Variants in PIK3IP1 observed in about 807,000 individuals in gnomAD.
PIK3IP1 encodes the protein phosphoinositide-3-kinase interacting protein 1.
In PIK3IP1, 28 loss-of-function variants were observed where a neutral mutation model predicts 30.7. The observed-to-expected ratio is 0.91, with a 90% confidence interval of 0.68 to 1.25. PIK3IP1 has a LOEUF of 1.25. Ranked by LOEUF, PIK3IP1 falls within the 50% of genes most tolerant of loss-of-function variation. PIK3IP1 has a pLI of 0.00. For synonymous variants in PIK3IP1, 159 were observed against 140.8 expected (o/e 1.13, Z -0.91); for missense variants, 333 against 346.2 (o/e 0.96, Z 0.30).
rs952763745 is a variant in PIK3IP1, at chr22:31,289,323, G to A, written c.579C>T (p.Ser193=). The change falls in exon 5 of 6, where the codon TCC becomes TCT. Residue 193 remains serine, a synonymous_variant. Coordinates refer to ENST00000215912, the MANE Select transcript of PIK3IP1 (RefSeq NM_052880.5). Reference sequence around the variant, plus strand: ...GAAGAGAAGCTACTGACCTCTTGTAGGAGTAGCCCAAGATGATGCCAGCTC... The same window carrying A: ...GAAGAGAAGCTACTGACCTCTTGTAAGAGTAGCCCAAGATGATGCCAGCTC... ...AIGAGIILGY[S]YKRGKDLKEQ... The A allele has an allele frequency of 1.9e-6, 3 of 1,613,970 alleles. No homozygotes were observed. The highest frequency in any genetic ancestry group is 2.5e-6 in the Non-Finnish European group (3 of 1,179,976).
intron 3 of PIK3IP1, 182 bp downstream of exon 3, chr22:31,290,783 C>T (rs1465936838): frequency 4.6e-6 from 4 of 865,658 alleles, no homozygotes; most frequent in Non-Finnish European, 6.6e-6. Context: ...TGAGCTCATA[C>T]GAGTGGCGGC....
chr22:31,284,615 G>A (rs927997748), intron 5 of PIK3IP1, among the ~76,000 whole-genome samples: 1 of 152,312 alleles, frequency 6.6e-6, no homozygotes, highest in Non-Finnish European at 1.5e-5. Context: ...GGGGGTAGGG[G>A]GTGGTTAGCC....
chr22:31,291,476 C>T (rs545776628), intron 1 of PIK3IP1, among the ~76,000 whole-genome samples, 180 bp from the exon 2 acceptor site: 94 of 150,570 alleles, frequency 6.2e-4, no homozygotes, highest in Admixed American at 3.3e-3. Context: ...CGCACCCCCC[C>T]CCCCCAACTC....
chr22:31,289,199 A>T, intron 5 of PIK3IP1, 116 bp downstream of exon 5: 1 of 1,014,032 alleles, frequency 9.9e-7, no homozygotes, highest in Non-Finnish European at 1.5e-6. Flanking sequence ...CCAAGTCTCT[A>T]CATCTTGAGC....
chr22:31,290,278 A>C (rs2049164008), intron 3 of PIK3IP1: 1 of 152,312 alleles, frequency 6.6e-6, no homozygotes, highest in Admixed American at 6.5e-5. Flanking sequence ...TATCCCAGCT[A>C]CTCAAGCGGC....
At position 31,282,027 on chromosome 22, in the gene PIK3IP1, C is replaced by G. The variant is rs934136629; in HGVS notation, c.*1057G>C. ...AAGTCACTTTTTCCTCTCTGGGGTC[C>G]TGTGTCCAAAAGGCTTAATGAGCCC... On this transcript the variant is annotated 3_prime_UTR_variant, in exon 6 of 6. Transcript: ENST00000215912. 3.9e-5 allele frequency: 6 copies of G among 152,404 alleles called. No homozygotes were observed. The East Asian group carries it at 7.7e-4, about 20-fold the overall frequency. 9.4% of individuals were successfully genotyped at this position (152,404 alleles called of 1,614,324 possible). A position where few individuals can be genotyped will look rare whatever the true frequency, so the allele number is the denominator to read the frequency against.
intron 3 of PIK3IP1, chr22:31,290,712 G>T (rs1446031704): frequency 2.1e-6 from 1 of 476,076 alleles, no homozygotes; most frequent in Non-Finnish European, 3.6e-6. Flanking sequence ...ACGCGCGGCG[G>T]AGAGACCTAG....
At chr22:31,289,898 G>A (rs1891751908) in intron 3 of PIK3IP1, 199 bp from the exon 4 acceptor site, 4 of 532,502 alleles carry the variant, frequency 7.5e-6, no homozygotes, top group Non-Finnish European at 1.3e-5. Context: ...AGGCAAATGA[G>A]AGAGGAAGGC....
In PIK3IP1 at chr22:31,292,452, G is replaced by T. The variant is rs945376441; in HGVS notation, c.-108C>A. On this transcript the variant is annotated 5_prime_UTR_variant, in exon 1 of 6. Transcript: ENST00000215912. ...CAGCCTTGCAGTCAGACCTGCCCTT[G>T]TTATGCTGTTCTGGTAAACAGCCTC... 2.4e-6 allele frequency: 2 copies of T among 842,258 alleles called. No homozygotes were observed. The highest frequency in any genetic ancestry group is 2.4e-5 in the East Asian group (1 of 40,922). The allele number at this position is 842,258 out of a possible 1,614,324, so 52.2% of individuals were successfully genotyped here.
chr22:31,291,860 G>A (rs2049183246), intron 1 of PIK3IP1, among the ~76,000 whole-genome samples: 1 of 152,210 alleles, frequency 6.6e-6, no homozygotes, highest in Non-Finnish European at 1.5e-5. Flanking sequence ...TCAGGCAAAA[G>A]ATTCAAGACA....
chr22:31,283,085 C>A lies in PIK3IP1; in HGVS notation c.791G>T (p.Ter264LeuextTer106). The A allele has an allele frequency of 6.3e-7, 1 of 1,589,604 alleles. No homozygotes were observed. Among genetic ancestry groups the A allele is most frequent in the Non-Finnish European group, 8.6e-7 (1 of 1,167,716 alleles). The change falls in exon 6 of 6, where the codon TGA (stop) becomes TTA (leucine). Residue 264 changes from the stop codon to leucine (L), a stop_lost. Coordinates refer to ENST00000215912, the MANE Select transcript of PIK3IP1 (RefSeq NM_052880.5). ...LMGQAGTPGA* is the reference protein window; with the variant it reads ...LMGQAGTPGAL The stretch of plus-strand genomic sequence containing the variant: ...TGGGCTCCTGCCCACTGGGGGGGCT[C>A]AGGCCCCAGGAGTCCCGGCCTGGCC...
chr22:31,289,164 C>T, intron 5 of PIK3IP1, 151 bp downstream of exon 5: 1 of 742,448 alleles, frequency 1.3e-6, no homozygotes, highest in East Asian at 2.7e-5. Context: ...AGGGTTTGTC[C>T]AAGGTCAGCA....
Position 31,289,485 on chromosome 22 carries a change from G to A in PIK3IP1, c.508+14C>T, listed in dbSNP as rs200106556. 1 of 1,538,274 alleles carries A rather than the reference G, an allele frequency of 6.5e-7. No homozygotes were observed. Among genetic ancestry groups the A allele is most frequent in the African/African-American group, 1.4e-5 (1 of 73,168 alleles). Reference sequence around the variant, plus strand: ...ATGAATCCCAACGAGGGCAGGGGTGGGGGACCGTCATACCCAGAGTTCCCA... The same window carrying A: ...ATGAATCCCAACGAGGGCAGGGGTGAGGGACCGTCATACCCAGAGTTCCCA... On this transcript the variant is annotated intron_variant, in intron 4 of 5. Coordinates refer to ENST00000215912, the MANE Select transcript of PIK3IP1 (RefSeq NM_052880.5).
intron 3 of PIK3IP1, chr22:31,290,739 C>T (rs893266552): frequency 1.7e-6 from 1 of 580,258 alleles, no homozygotes; most frequent in South Asian, 2.9e-5. Context: ...CCCAGCCTCG[C>T]CCCGCGCAGT....
In PIK3IP1 at chr22:31,289,367, C is replaced by T; in HGVS notation, c.535G>A (p.Val179Met). 1 of 1,612,914 alleles carries T rather than the reference C, an allele frequency of 6.2e-7. No individual in the cohort carries two copies. The highest frequency in any genetic ancestry group is 8.5e-7 in the Non-Finnish European group (1 of 1,179,474). Residue 179 changes from valine (V) to methionine (M), a missense_variant, in exon 5 of 6, where the codon GTG becomes ATG. Physicochemically the swap from Val to Met is conservative, Grantham distance 21. Around this residue, in one of 3 missense-constraint regions of PIK3IP1, gnomAD observed 217 missense variants for 227.7 expected, o/e 0.95. Transcript: ENST00000215912. ...CCAGCTCCGATGGCAATGATGATCA[C>T]CATCATGGTAATGCCCAGCACGTAG... ...LGYVLGITMM[V>M]IIIAIGAGII...
Position 31,281,856 on chromosome 22 carries a change from T to C in PIK3IP1, c.*1228A>G, listed in dbSNP as rs1391125800. On this transcript the variant is annotated 3_prime_UTR_variant, in exon 6 of 6. Coordinates refer to ENST00000215912, the MANE Select transcript of PIK3IP1 (RefSeq NM_052880.5). ...GAAGGGTTCTGGAAAGGAAGCTCTA[T>C]GGCTAGGAGCTGCCAAGGCCTCTTG... is the stretch of plus-strand genomic sequence containing the variant. 3.9e-5 allele frequency: 6 copies of C among 152,698 alleles called. No individual in the cohort carries two copies. The highest frequency in any genetic ancestry group is 8.8e-5 in the Non-Finnish European group (6 of 68,078). 9.5% of individuals were successfully genotyped at this position (152,698 alleles called of 1,614,324 possible). A position where few individuals can be genotyped will look rare whatever the true frequency, so the allele number is the denominator to read the frequency against.
intron 3 of PIK3IP1, 157 bp from the exon 4 acceptor site, chr22:31,289,856 A>C (rs1601462200): frequency 2.8e-6 from 2 of 720,766 alleles, no homozygotes; most frequent in Non-Finnish European, 4.5e-6. Context: ...AGGTAAGATC[A>C]GGCCTGAGAG....
At chr22:31,291,354 A>G in intron 1 of PIK3IP1, 58 bp from the exon 2 acceptor site, 3 of 1,511,714 alleles carry the variant, frequency 2.0e-6, no homozygotes, top group South Asian at 2.4e-5. Context: ...GAAGACGCCC[A>G]GCGTGGCGGA....
intron 2 of PIK3IP1, 47 bp from the exon 3 acceptor site, chr22:31,291,131 C>G (rs1569012941): frequency 6.5e-7 from 1 of 1,537,308 alleles, no homozygotes; most frequent in South Asian, 1.2e-5. Flanking sequence ...GCACCGGGAA[C>G]GCGGCCGCCG....
Sources: gnomAD v4.1 joint callset for allele counts (sites outside exome capture counted in the v4.1 genomes callset) on GRCh38, gnomAD v4.1.1 for gene constraint, gnomAD v4.1.1 regional missense constraint, MANE v1.5 for transcripts, NCBI Gene and HGNC (gene_info 2026-07-23, HGNC 2026-07-21) for gene names.